The following ANKS6 variants were observed in gnomAD, a reference collection of about 807,000 sequenced individuals.
ANKS6 encodes the protein ankyrin repeat and SAM domain-containing protein 6.
A neutral mutation model predicts 77.9 loss-of-function variants in ANKS6; 47 were observed. The ratio of observed to expected loss-of-function variants is 0.60; its 90% CI spans 0.48 to 0.77. The LOEUF is 0.77. ANKS6 is among the 30% of genes least tolerant of loss of function. ANKS6 has a pLI of 0.00. For missense variants in ANKS6, 1,150 were observed against 1,159.1 expected, an observed-to-expected ratio of 0.99 and a Z score of 0.11; for synonymous variants, 488 against 501.7, an observed-to-expected ratio of 0.97 and a Z score of 0.37.
At chr9:98,756,286 G>A in intron 12 of ANKS6, 134 bp downstream of exon 12, 1 of 919,488 alleles carries the variant, frequency 1.1e-6, no homozygotes, top group Non-Finnish European at 1.6e-6. Context: ...GAAGAGGAGG[G>A]ACATGTTTGT....
chr9:98,769,643 C>A (rs528085302), intron 10 of ANKS6, among the ~76,000 whole-genome samples: 1 of 152,180 alleles, frequency 6.6e-6, no homozygotes, highest in South Asian at 2.1e-4. Flanking sequence ...TAGAAAGGCA[C>A]GTGGTTCCAA....
At chr9:98,769,364 T>C (rs761306687) in intron 10 of ANKS6, among the ~76,000 whole-genome samples, 4 of 151,980 alleles carry the variant, frequency 2.6e-5, no homozygotes, top group Non-Finnish European at 5.9e-5. Context: ...CAAATTTAAA[T>C]AAATGAAATC....
At chr9:98,756,755 C>G in intron 11 of ANKS6, 152 bp from the exon 12 acceptor site, 2 of 675,046 alleles carry the variant, frequency 3.0e-6, no homozygotes, top group South Asian at 8.9e-5. Context: ...ACATGGAAAG[C>G]AGAAATATCA....
Position 98,783,801 on chromosome 9 carries a change from C to G in ANKS6, c.1112+152G>C, listed in dbSNP as rs557838913. 454 of 508,110 alleles carry G rather than the reference C, an allele frequency of 8.9e-4. 1 individual carries two copies. The African/African-American group carries it at 0.02, about 22-fold the overall frequency. 31.5% of individuals were successfully genotyped at this position (508,110 alleles called of 1,614,324 possible). A position where few individuals can be genotyped will look rare whatever the true frequency, so the allele number is the denominator to read the frequency against. Reference sequence around the variant, plus strand: ...GGGTGGGACTAAAATGAGCCTGTGCCGCTTTTTTTTTTTTTTTCCATGCCT... The same window carrying G: ...GGGTGGGACTAAAATGAGCCTGTGCGGCTTTTTTTTTTTTTTTCCATGCCT... On this transcript the variant is annotated intron_variant, in intron 4 of 14. Transcript: ENST00000353234.
chr9:98,784,682 C>T (rs1360650057), intron 3 of ANKS6, 150 bp downstream of exon 3: 16 of 677,876 alleles, frequency 2.4e-5, no homozygotes, highest in East Asian at 1.6e-4. Flanking sequence ...ATACTGGCCT[C>T]CAGGATCTGA....
rs143352864 is a variant in ANKS6 at position 98,766,054 on chromosome 9, C to T, written c.2142+2027G>A. 2.2e-3 allele frequency among the ~76,000 whole-genome samples: 330 copies of T among 152,248 alleles called. 1 individual carries two copies. Among genetic ancestry groups the T allele is most frequent in the Admixed American group, 5.7e-3 (87 of 15,306 alleles). On this transcript the variant is annotated intron_variant, in intron 11 of 14. Transcript: ENST00000353234. ...AGGAATAACATTCCCCAGACCCTCCCGAGAGCCTCATTCAGGTATGCTGGG... is the reference window on the plus strand; with the variant it reads ...AGGAATAACATTCCCCAGACCCTCCTGAGAGCCTCATTCAGGTATGCTGGG...
chr9:98,736,734 C>A (rs41283624), intron 14 of ANKS6, 111 bp from the exon 15 acceptor site: 13,814 of 1,328,328 alleles, frequency 0.01, 101 homozygotes, highest in Middle Eastern at 0.016. Context: ...AACCCATGGG[C>A]GTCTTGGGGA....
intron 11 of ANKS6, among the ~76,000 whole-genome samples, chr9:98,757,074 CA>C (rs1832750848): frequency 6.6e-6 from 1 of 152,182 alleles, no homozygotes; most frequent in Non-Finnish European, 1.5e-5. Context: ...AGCTTTAAAA[CA>C]AAGGCTTTTT....
chr9:98,780,068 C>G (rs1834151784), intron 6 of ANKS6, 121 bp downstream of exon 6: 1 of 1,379,336 alleles, frequency 7.2e-7, no homozygotes, highest in African/African-American at 1.4e-5. Context: ...TGCCAGCTCA[C>G]CTGCCACCCC....
chr9:98,751,487 G>GC (rs1832429250), intron 12 of ANKS6, among the ~76,000 whole-genome samples: 1 of 152,200 alleles, frequency 6.6e-6, no homozygotes, highest in African/African-American at 2.4e-5. Flanking sequence ...GCCAATGCCA[G>GC]CAAGTCCTTA....
At chr9:98,784,367 G>A in intron 3 of ANKS6, 2 of 478,790 alleles carry the variant, frequency 4.2e-6, no homozygotes, top group Non-Finnish European at 7.3e-6. Context: ...ACACGAATGG[G>A]CAGAAGTGTT....
chr9:98,757,054 C>T (rs755209691), intron 11 of ANKS6, among the ~76,000 whole-genome samples: 102 of 152,284 alleles, frequency 6.7e-4, no homozygotes, highest in Non-Finnish European at 1.2e-3. Context: ...TTCCCTTTTT[C>T]TCATTGGTTA....
chr9:98,755,217 T>C (rs1056385691), intron 12 of ANKS6, among the ~76,000 whole-genome samples: 1 of 152,176 alleles, frequency 6.6e-6, no homozygotes, highest in African/African-American at 2.4e-5. Flanking sequence ...CAGCAGAACC[T>C]GCTCAGCACC....
At position 98,771,001 on chromosome 9, in the gene ANKS6, C is replaced by A; in HGVS notation, c.1867G>T (p.Ala623Ser). ...VKFPSLPRSP[A>S]SSANSGNFNH... Reference sequence around the variant, plus strand: ...AAGTTTCCAGAATTGGCAGAAGAGGCTGGGCTTCTGGGGAGGCTTGGAAAT... The same window carrying A: ...AAGTTTCCAGAATTGGCAGAAGAGGATGGGCTTCTGGGGAGGCTTGGAAAT... Residue 623 changes from alanine (A) to serine (S), a missense_variant, in exon 10 of 15, where the codon GCC becomes TCC. By Grantham distance (99) the Ala-to-Ser change is moderately conservative (BLOSUM62 1). Coordinates refer to ENST00000353234, the MANE Select transcript of ANKS6 (RefSeq NM_173551.5). The A allele has an allele frequency of 6.3e-7, 1 of 1,595,342 alleles. No homozygotes were observed. The highest frequency in any genetic ancestry group is 8.5e-7 in the Non-Finnish European group (1 of 1,170,786).
chr9:98,733,345 G>A lies in ANKS6; in HGVS notation c.*3174C>T. The A allele has an allele frequency of 1.0e-6, 1 of 985,534 alleles. No homozygotes were observed. Among genetic ancestry groups the A allele is most frequent in the Non-Finnish European group, 1.2e-6 (1 of 829,994 alleles). The allele number at this position is 985,534 out of a possible 1,614,324, so 61.0% of individuals were successfully genotyped here. On this transcript the variant is annotated 3_prime_UTR_variant, in exon 15 of 15. Coordinates refer to ENST00000353234, the MANE Select transcript of ANKS6 (RefSeq NM_173551.5). ...ACTCACGACACACCAGCAAGACACTGCCTGGGTGCTGGGAAACAATGCCCT... is the reference window on the plus strand; with the variant it reads ...ACTCACGACACACCAGCAAGACACTACCTGGGTGCTGGGAAACAATGCCCT...
chr9:98,744,960 G>C (rs1023865871), intron 14 of ANKS6, among the ~76,000 whole-genome samples: 1 of 152,156 alleles, frequency 6.6e-6, no homozygotes, highest in Non-Finnish European at 1.5e-5. Flanking sequence ...CAAAGTGAGT[G>C]GGGATTTGTC....
At chr9:98,743,503 C>T (rs577402723) in intron 14 of ANKS6, among the ~76,000 whole-genome samples, 1 of 152,334 alleles carries the variant, frequency 6.6e-6, no homozygotes, top group African/African-American at 2.4e-5. Flanking sequence ...TTCTACTACC[C>T]CTCTAACCAG....
rs1185734020 is a variant in ANKS6 at position 98,790,035 on chromosome 9, TCCTCAGCTTAAG to T, written c.862+57_862+68del. The T allele has an allele frequency of 8.0e-6, 12 of 1,503,748 alleles. No homozygotes were observed. In the Admixed American group the frequency reaches 1.1e-4, roughly 14 times the overall value. 93.2% of individuals were successfully genotyped at this position (1,503,748 alleles called of 1,614,324 possible). Reference sequence around the variant, plus strand: ...TCTGCGTGTCCTTCCAGTAGAGCAATCCTCAGCTTAAGCCACATAAACACAATTTGGGGTCCT... The same window carrying T: ...TCTGCGTGTCCTTCCAGTAGAGCAATCCACATAAACACAATTTGGGGTCCT... On this transcript the variant is annotated intron_variant, in intron 2 of 14. Coordinates refer to ENST00000353234, the MANE Select transcript of ANKS6 (RefSeq NM_173551.5).
At chr9:98,772,645 G>A (rs552847174) in intron 9 of ANKS6, among the ~76,000 whole-genome samples, 1 of 152,316 alleles carries the variant, frequency 6.6e-6, no homozygotes, top group South Asian at 2.1e-4. Flanking sequence ...GATCCCCAGG[G>A]CCCAGAATGA....
Sources: allele counts gnomAD v4.1 joint callset (sites outside exome capture counted in the v4.1 genomes callset), GRCh38; gene constraint gnomAD v4.1.1; transcripts MANE v1.5; gene names NCBI Gene and HGNC (gene_info 2026-07-23, HGNC 2026-07-21).